MTRF1: variants seen among roughly 807,000 people sequenced by gnomAD.
MTRF1 encodes the protein peptide chain release factor 1, mitochondrial.
Under a neutral mutation model 62.9 loss-of-function variants are expected in MTRF1, and 51 were observed. The observed-to-expected ratio is 0.81, with a 90% CI of 0.65 to 1.02. MTRF1 has a LOEUF of 1.02. Ranked by LOEUF, MTRF1 falls within the 50% of genes least tolerant of loss-of-function variation. The pLI is 0.00. For missense variants in MTRF1, 446 were observed against 530.0 expected (o/e 0.84, Z 1.56); for synonymous variants, 158 against 181.9 (o/e 0.87, Z 1.06).
the MTRF1 span, among the ~76,000 whole-genome samples, chr13:41,271,414 T>TA: frequency 6.6e-6 from 1 of 152,154 alleles, no homozygotes; most frequent in Non-Finnish European, 1.5e-5. Context: ...TCCTCATTCT[T>TA]AGAGTATTTG....
the MTRF1 span, among the ~76,000 whole-genome samples, chr13:41,281,853 C>T: frequency 6.6e-6 from 1 of 151,994 alleles, no homozygotes; most frequent in African/African-American, 2.4e-5. Flanking sequence ...ATACTCTGCC[C>T]AGGCCGGGCA....
the MTRF1 span, among the ~76,000 whole-genome samples, chr13:41,296,376 T>C: frequency 6.6e-6 from 1 of 152,212 alleles, no homozygotes; most frequent in African/African-American, 2.4e-5. Context: ...ACCCAGCCCA[T>C]GATTCTCTTT....
rs1251898165 is a variant in MTRF1, at chr13:41,233,903, G to C, written c.975C>G (p.Val325=). The C allele has an allele frequency of 1.2e-6, 2 of 1,613,182 alleles. No homozygotes were observed. The highest frequency in any genetic ancestry group is 2.7e-5 in the African/African-American group (2 of 74,894). Residue 325 remains valine, a synonymous_variant, in exon 7 of 10, where the codon GTC becomes GTG. Coordinates refer to ENST00000379480, the MANE Select transcript of MTRF1 (RefSeq NM_004294.4). ...GGGCTTGCTTACCTGTGGGGATGTG[G>C]ACAAGTCTGACGGCACTATCAGTTT... is the stretch of plus-strand genomic sequence containing the variant. ...VNKTDSAVRL[V]HIPTGLVVEC... is the part of the protein sequence containing the mutation.
At chr13:41,246,802 G>C (rs1036075286) in intron 5 of MTRF1, among the ~76,000 whole-genome samples, 1 of 152,188 alleles carries the variant, frequency 6.6e-6, no homozygotes, top group Non-Finnish European at 1.5e-5. Flanking sequence ...TTCATGTCAT[G>C]TGCAAATACT....
At chr13:41,268,447 G>A (rs570581050), upstream of MTRF1, among the ~76,000 whole-genome samples, 7 of 152,226 alleles carry the variant, frequency 4.6e-5, no homozygotes, top group East Asian at 1.4e-3. Context: ...TCGGGAGGCT[G>A]AGGAAGGAGA....
At chr13:41,243,163 G>A (rs1283883819) in intron 5 of MTRF1, among the ~76,000 whole-genome samples, 1 of 152,018 alleles carries the variant, frequency 6.6e-6, no homozygotes, top group African/African-American at 2.4e-5. Context: ...AGGTCGCAGT[G>A]AGCCAAGATC....
the MTRF1 span, among the ~76,000 whole-genome samples, chr13:41,272,822 T>C: frequency 6.6e-6 from 1 of 152,048 alleles, no homozygotes; most frequent in Non-Finnish European, 1.5e-5. Context: ...GCCTTCTTTG[T>C]TGGAAGCAAG....
Position 41,250,256 on chromosome 13 carries a change from A to G in MTRF1, c.697+2389T>C, listed in dbSNP as rs1309435571. ...TCCTCTTTTGCTTCCATAATATTTT[A>G]CTGTCCTCATCCTTTTTCTGATTAT... On this transcript the variant is annotated intron_variant, in intron 5 of 9. Transcript: ENST00000379480. Among the ~76,000 whole-genome samples the G allele has an allele frequency of 2.6e-5, 4 of 152,020 alleles. No homozygotes were observed. In the East Asian group the frequency reaches 7.7e-4, roughly 29 times the overall value.
At chr13:41,231,455 G>C (rs1330302823) in intron 7 of MTRF1, among the ~76,000 whole-genome samples, 1 of 152,198 alleles carries the variant, frequency 6.6e-6, no homozygotes, top group Non-Finnish European at 1.5e-5. Flanking sequence ...CAAGTATGGA[G>C]TATGGGCGGG....
the MTRF1 span, among the ~76,000 whole-genome samples, chr13:41,283,404 T>C: frequency 4.6e-5 from 7 of 152,080 alleles, no homozygotes; most frequent in African/African-American, 1.7e-4. Flanking sequence ...CATATCAAGG[T>C]AGCAAATGCC....
chr13:41,272,319 G>C, the MTRF1 span, among the ~76,000 whole-genome samples: 4 of 152,182 alleles, frequency 2.6e-5, no homozygotes, highest in Non-Finnish European at 4.4e-5. Flanking sequence ...AGGAGGTATA[G>C]GGTGGAAGAA....
the MTRF1 span, chr13:41,288,121 T>A: frequency 2.0e-6 from 1 of 502,730 alleles, no homozygotes; most frequent in African/African-American, 2.0e-5. Flanking sequence ...GGGGGCATAA[T>A]CTGTCATAAT....
At chr13:41,253,183 A>C (rs187579755) in intron 3 of MTRF1, among the ~76,000 whole-genome samples, 153 bp from the exon 4 acceptor site, 6 of 152,336 alleles carry the variant, frequency 3.9e-5, no homozygotes, top group Non-Finnish European at 5.9e-5. Flanking sequence ...AATAAGTAGA[A>C]CTAATTAGAC....
chr13:41,280,416 C>G, the MTRF1 span, among the ~76,000 whole-genome samples: 609 of 152,306 alleles, frequency 4.0e-3, 6 homozygotes, highest in African/African-American at 0.014. Context: ...TGATTGATGT[C>G]TCATGCCTCC....
chr13:41,218,042 G>A (rs1247327535), intron 9 of MTRF1, among the ~76,000 whole-genome samples: 1 of 152,126 alleles, frequency 6.6e-6, no homozygotes, highest in Non-Finnish European at 1.5e-5. Flanking sequence ...AGGAAATGGT[G>A]GGGGGAAAGA....
At chr13:41,305,565 C>T in the MTRF1 span, among the ~76,000 whole-genome samples, 8 of 152,328 alleles carry the variant, frequency 5.3e-5, no homozygotes, top group African/African-American at 1.9e-4. Flanking sequence ...ACACTCCAGC[C>T]ACGTCCTTTA....
At chr13:41,283,360 C>T in the MTRF1 span, among the ~76,000 whole-genome samples, 1 of 152,256 alleles carries the variant, frequency 6.6e-6, no homozygotes, top group South Asian at 2.1e-4. Context: ...TCATTTGTGT[C>T]CTTCAGTCAT....
chr13:41,242,788 G>A lies in MTRF1; in HGVS notation c.698-2355C>T, dbSNP rs539447433. 3.3e-5 allele frequency among the ~76,000 whole-genome samples: 5 copies of A among 151,994 alleles called. No homozygotes were observed. In the South Asian group the frequency reaches 1.0e-3, roughly 32 times the overall value. On this transcript the variant is annotated intron_variant, in intron 5 of 9. Coordinates refer to ENST00000379480, the MANE Select transcript of MTRF1 (RefSeq NM_004294.4). ...GAGCAATGTGCAGCATGCTTACTGC[G>A]CATTAAAAAAAATGGCTGGGCGCAG...
intron 6 of MTRF1, 63 bp downstream of exon 6, chr13:41,240,198 A>G: frequency 6.9e-7 from 1 of 1,458,338 alleles, no homozygotes; most frequent in Non-Finnish European, 9.2e-7. Context: ...CCTAGAAGCT[A>G]AGGCTTCCAG....
Sources: allele counts gnomAD v4.1 joint callset (sites outside exome capture counted in the v4.1 genomes callset), GRCh38; gene constraint gnomAD v4.1.1; transcripts MANE v1.5; gene names NCBI Gene and HGNC (gene_info 2026-07-23, HGNC 2026-07-21).